Variants in SPINK5 observed in about 807,000 individuals in gnomAD.
SPINK5 encodes serine protease inhibitor Kazal-type 5.
SPINK5 carries 125 observed loss-of-function variants against 151.8 expected under a neutral mutation model. That is an observed-to-expected ratio of 0.82 (90% CI 0.71 to 0.96). SPINK5 has a LOEUF of 0.96. SPINK5 is among the 40% of genes least tolerant of loss of function. SPINK5 has a pLI of 0.00. For synonymous variants in SPINK5, 374 were observed against 395.3 expected (o/e 0.95, Z 0.64); for missense variants, 1,194 against 1,291.9 (o/e 0.92, Z 1.16).
At chr5:148,075,569 G>A (rs1169422839) in intron 4 of SPINK5, among the ~76,000 whole-genome samples, 4 of 151,684 alleles carry the variant, frequency 2.6e-5, no homozygotes, top group Non-Finnish European at 5.9e-5. Context: ...ATCCTAAGGT[G>A]TGACACTTTA....
intron 2 of SPINK5, among the ~76,000 whole-genome samples, chr5:148,066,059 G>C (rs1480585951): frequency 1.3e-5 from 2 of 152,064 alleles, no homozygotes; most frequent in East Asian, 3.9e-4. Context: ...GGATAATCAG[G>C]GAAGTTCTCT....
In SPINK5 at chr5:148,099,460, G is replaced by C. The variant is rs1480392850; in HGVS notation, c.1092+145G>C. 3 of 681,868 alleles carry C rather than the reference G, an allele frequency of 4.4e-6. No individual in the cohort carries two copies. In the African/African-American group the frequency reaches 5.6e-5, roughly 13 times the overall value. The allele number at this position is 681,868 out of a possible 1,614,324, so 42.2% of individuals were successfully genotyped here. On this transcript the variant is annotated intron_variant, in intron 12 of 32. Transcript: ENST00000256084. ...GGGATGGTATTGAGATGAATTATATGGGAAGATTGATCCATTCTTGCTGAT... is the reference window on the plus strand; with the variant it reads ...GGGATGGTATTGAGATGAATTATATCGGAAGATTGATCCATTCTTGCTGAT...
rs770045852 is a variant in SPINK5 at position 148,111,814 on chromosome 5, C to G, written c.1739C>G (p.Pro580Arg). 26 of 1,613,914 alleles carry G rather than the reference C, an allele frequency of 1.6e-5. No homozygotes were observed. In the South Asian group the frequency reaches 2.3e-4, roughly 14 times the overall value. The change falls in exon 19 of 33, where the codon CCC becomes CGC. Residue 580 changes from proline (P) to arginine (R), a missense_variant. By Grantham distance (103) the Pro-to-Arg change is moderately radical. Coordinates refer to ENST00000256084, the MANE Select transcript of SPINK5 (RefSeq NM_006846.4). The part of the protein sequence containing the change: ...YRHYVRNGRL[P>R]CTRENDPIEG... ...CATTATGTGAGGAATGGACGACTCC[C>G]CTGTACCAGAGAGAATGATCCTATT...
intron 3 of SPINK5, among the ~76,000 whole-genome samples, chr5:148,070,866 C>A (rs746342193): frequency 1.3e-5 from 2 of 152,006 alleles, no homozygotes; most frequent in African/African-American, 2.4e-5. Context: ...CAGACTCTCC[C>A]GTGACAGCCA....
At chr5:148,091,115 GA>G (rs778869881) in intron 7 of SPINK5, 49 bp from the exon 8 acceptor site, 1 of 1,509,778 alleles carries the variant, frequency 6.6e-7, no homozygotes, top group East Asian at 2.3e-5. Context: ...TGAGGATACT[GA>G]AAATATGATT....
chr5:148,128,621 G>T (rs1047306431), intron 30 of SPINK5, among the ~76,000 whole-genome samples: 1 of 152,036 alleles, frequency 6.6e-6, no homozygotes, highest in African/African-American at 2.4e-5. Context: ...CTCCGCCTCC[G>T]CAGTTCACGC....
chr5:148,108,769 G>T lies in SPINK5; in HGVS notation c.1624G>T (p.Glu542Ter). The T allele has an allele frequency of 6.2e-7, 1 of 1,611,666 alleles. No individual in the cohort carries two copies. Among genetic ancestry groups the T allele is most frequent in the South Asian group, 1.1e-5 (1 of 90,950 alleles). The part of the protein sequence containing the change: ...CASVFKLEEE[E>*]KKNDKEEKGK... The stretch of plus-strand genomic sequence containing the variant: ...CTATTACAGCAAACTTGAAGAAGAA[G>T]AGAAGAAAAATGATAAAGAAGAAAA... Residue 542 changes from glutamate to a stop codon, truncating the protein, a stop_gained, in exon 18 of 33, where the codon GAG becomes TAG. Transcript: ENST00000256084. LOFTEE classifies it high-confidence loss of function.
chr5:148,098,491 T>C (rs1173333390), intron 11 of SPINK5, among the ~76,000 whole-genome samples: 1 of 152,114 alleles, frequency 6.6e-6, no homozygotes, highest in Non-Finnish European at 1.5e-5. Flanking sequence ...AGCTCTTTAT[T>C]TGGCTGAGCT....
intron 29 of SPINK5, 27 bp from the exon 30 acceptor site, chr5:148,126,956 T>A (rs779864777): frequency 1.9e-6 from 3 of 1,547,440 alleles, no homozygotes; most frequent in Non-Finnish European, 2.6e-6. Flanking sequence ...TTTCTTATTT[T>A]AAATTATTTT....
chr5:148,095,977 T>A, intron 10 of SPINK5, 72 bp downstream of exon 10: 1 of 1,124,574 alleles, frequency 8.9e-7, no homozygotes, highest in Non-Finnish European at 1.4e-6. Context: ...AGAGAGTGCA[T>A]ATTACATAGT....
intron 18 of SPINK5, among the ~76,000 whole-genome samples, chr5:148,109,803 G>T (rs1227150736): frequency 6.6e-6 from 1 of 152,044 alleles, no homozygotes; most frequent in Non-Finnish European, 1.5e-5. Context: ...AAACCATAAG[G>T]CAGGTCGTGC....
At chr5:148,121,710 T>G (rs1054003601) in intron 26 of SPINK5, among the ~76,000 whole-genome samples, 1 of 151,832 alleles carries the variant, frequency 6.6e-6, no homozygotes, top group Non-Finnish European at 1.5e-5. Context: ...TTAATCCCAG[T>G]GTTTTGGGAG....
intron 4 of SPINK5, among the ~76,000 whole-genome samples, chr5:148,073,153 A>G (rs1485097836): frequency 2.0e-5 from 3 of 151,910 alleles, no homozygotes; most frequent in African/African-American, 7.2e-5. Flanking sequence ...CAGGTCTCCT[A>G]TGCAGTTTCT....
chr5:148,117,393 A>G (rs1207676083), intron 22 of SPINK5, among the ~76,000 whole-genome samples: 1 of 152,116 alleles, frequency 6.6e-6, no homozygotes, highest in Non-Finnish European at 1.5e-5. Context: ...TCTCTCTTCT[A>G]TCTGCACTAG....
chr5:148,097,651 A>G (rs1753505186), intron 10 of SPINK5, among the ~76,000 whole-genome samples: 1 of 152,088 alleles, frequency 6.6e-6, no homozygotes, highest in Non-Finnish European at 1.5e-5. Context: ...AAATATAAAT[A>G]AATCATATTT....
chr5:148,088,402 G>T (rs952425881), intron 5 of SPINK5, 140 bp from the exon 6 acceptor site: 17 of 715,292 alleles, frequency 2.4e-5, no homozygotes, highest in Middle Eastern at 7.7e-4. Flanking sequence ...ACTTTTATTA[G>T]AAAAAGTAAT....
chr5:148,068,999 G>A lies in SPINK5; in HGVS notation c.82-1324G>A, dbSNP rs994557134. Among the ~76,000 whole-genome samples, 37 of 152,050 alleles carry A rather than the reference G, an allele frequency of 2.4e-4. 1 individual carries two copies. Among genetic ancestry groups the A allele is most frequent in the African/African-American group, 8.7e-4 (36 of 41,476 alleles). On this transcript the variant is annotated intron_variant, in intron 2 of 32. Coordinates refer to ENST00000256084, the MANE Select transcript of SPINK5 (RefSeq NM_006846.4). ...ACCTGTAATCCCAGCTACTCAGGGGGCTCAGGCAGGACAACCTCTTGAACC... is the reference window on the plus strand; with the variant it reads ...ACCTGTAATCCCAGCTACTCAGGGGACTCAGGCAGGACAACCTCTTGAACC...
intron 5 of SPINK5, among the ~76,000 whole-genome samples, chr5:148,087,029 CCAT>C (rs1581065504): frequency 6.6e-6 from 1 of 151,242 alleles, no homozygotes; most frequent in Non-Finnish European, 1.5e-5. Context: ...TTCTATCTAT[CCAT>C]CATCTATTAT....
intron 1 of SPINK5, among the ~76,000 whole-genome samples, chr5:148,064,368 A>G (rs1752521181): frequency 1.3e-5 from 2 of 152,222 alleles, no homozygotes; most frequent in African/African-American, 4.8e-5. Context: ...AGAAAACTGA[A>G]TAGATTCTTC....
Sources: allele counts gnomAD v4.1 joint callset (sites outside exome capture counted in the v4.1 genomes callset), GRCh38; gene constraint gnomAD v4.1.1; transcripts MANE v1.5; gene names NCBI Gene and HGNC (gene_info 2026-07-23, HGNC 2026-07-21).